HPSE2: variants seen among roughly 807,000 people sequenced by gnomAD.
HPSE2 encodes heparanase 2 (inactive), also known as inactive heparanase-2.
In HPSE2, 38 loss-of-function variants were observed where a neutral mutation model predicts 60.5. The observed-to-expected ratio is 0.63, with a 90% CI of 0.48 to 0.82. The LOEUF is 0.82. Ranked by LOEUF, HPSE2 falls within the 40% of genes least tolerant of loss-of-function variation. HPSE2 has a pLI of 0.00. For synonymous variants in HPSE2, 295 were observed against 293.2 expected (o/e 1.01, Z -0.06); for missense variants, 713 against 740.4 (o/e 0.96, Z 0.43).
chr10:99,117,280 G>C (rs1187542922), intron 3 of HPSE2, among the ~76,000 whole-genome samples: 1 of 149,982 alleles, frequency 6.7e-6, no homozygotes, highest in African/African-American at 2.4e-5. Flanking sequence ...TCACAACTAA[G>C]AGAACCAGAG....
At chr10:98,580,673 C>G (rs1020665249) in intron 9 of HPSE2, among the ~76,000 whole-genome samples, 2 of 151,880 alleles carry the variant, frequency 1.3e-5, no homozygotes, top group African/African-American at 2.4e-5. Context: ...GATCAACAGA[C>G]ACTTTCCAGT....
At chr10:98,508,111 C>T (rs1319459400) in intron 9 of HPSE2, among the ~76,000 whole-genome samples, 1 of 151,962 alleles carries the variant, frequency 6.6e-6, no homozygotes, top group East Asian at 1.9e-4. Context: ...TTACAATTTA[C>T]AAGGGACAAA....
intron 2 of HPSE2, among the ~76,000 whole-genome samples, chr10:99,144,809 C>G (rs1845989445): frequency 6.6e-6 from 1 of 152,096 alleles, no homozygotes; most frequent in African/African-American, 2.4e-5. Context: ...GCTACAGGAC[C>G]AGGTGATAGC....
chr10:99,269,129 G>A, the HPSE2 span, among the ~76,000 whole-genome samples: 9 of 151,856 alleles, frequency 5.9e-5, no homozygotes, highest in African/African-American at 1.9e-4. Context: ...ACTGCACTCC[G>A]GCCTGGGGGA....
intron 3 of HPSE2, among the ~76,000 whole-genome samples, chr10:98,952,053 T>C (rs1252703763): frequency 1.3e-5 from 2 of 152,216 alleles, no homozygotes; most frequent in Non-Finnish European, 2.9e-5. Context: ...TACCAAATGA[T>C]GGCAGATTTG....
At chr10:99,038,368 T>C (rs1310191034) in intron 3 of HPSE2, among the ~76,000 whole-genome samples, 1 of 152,134 alleles carries the variant, frequency 6.6e-6, no homozygotes, top group African/African-American at 2.4e-5. Context: ...CCATAACGAC[T>C]TGGATGACTA....
rs75302353 is a variant in HPSE2, at chr10:98,928,988, TAATAAATAAATA to T, written c.611-184944_611-184933del. The stretch of plus-strand genomic sequence containing the variant: ...ATGTACCCTAAAACTTAAAGTATAA[TAATAAATAAATA>T]AATAAATAAATAAATAAATATTTTT... On this transcript the variant is annotated intron_variant, in intron 3 of 11. Coordinates refer to ENST00000370552, the MANE Select transcript of HPSE2 (RefSeq NM_021828.5). 3.1e-5 allele frequency among the ~76,000 whole-genome samples: 4 copies of T among 130,902 alleles called. 1 individual carries two copies. The highest frequency in any genetic ancestry group is 1.3e-4 in the African/African-American group (4 of 30,030). 85.9% of individuals were successfully genotyped at this position (130,902 alleles called of 152,430 possible). A position where few individuals can be genotyped will look rare whatever the true frequency, so the allele number is the denominator to read the frequency against.
At chr10:99,023,589 T>C (rs1340588782) in intron 3 of HPSE2, among the ~76,000 whole-genome samples, 2 of 152,174 alleles carry the variant, frequency 1.3e-5, no homozygotes, top group Non-Finnish European at 2.9e-5. Context: ...ACAGTCATAG[T>C]AATGGTGGCA....
At chr10:98,779,103 T>C (rs1341107862) in intron 3 of HPSE2, among the ~76,000 whole-genome samples, 1 of 152,124 alleles carries the variant, frequency 6.6e-6, no homozygotes, top group African/African-American at 2.4e-5. Context: ...CAGCTCCTCT[T>C]TCGGTTACTA....
At chr10:99,024,930 A>G (rs567298250) in intron 3 of HPSE2, among the ~76,000 whole-genome samples, 10 of 152,322 alleles carry the variant, frequency 6.6e-5, no homozygotes, top group South Asian at 4.1e-4. Flanking sequence ...AAGTTCTTCA[A>G]TCAGAAAGAA....
chr10:98,470,110 T>G (rs1011743914), intron 11 of HPSE2, among the ~76,000 whole-genome samples: 1 of 152,096 alleles, frequency 6.6e-6, no homozygotes, highest in Admixed American at 6.6e-5. Flanking sequence ...CAGGTGTGTG[T>G]GTGTGTGTGT....
intron 3 of HPSE2, among the ~76,000 whole-genome samples, chr10:98,917,342 T>C (rs762968729): frequency 4.6e-5 from 7 of 152,224 alleles, no homozygotes; most frequent in Non-Finnish European, 7.3e-5. Flanking sequence ...GTATTTTGTA[T>C]GCCATCATCT....
chr10:99,297,899 C>T, the HPSE2 span, among the ~76,000 whole-genome samples: 4 of 152,244 alleles, frequency 2.6e-5, no homozygotes, highest in Admixed American at 6.5e-5. Flanking sequence ...GGGTTATAGC[C>T]GCTCCCCCAG....
intron 9 of HPSE2, among the ~76,000 whole-genome samples, chr10:98,525,498 T>C (rs867787268): frequency 6.6e-6 from 1 of 152,204 alleles, no homozygotes; most frequent in Non-Finnish European, 1.5e-5. Flanking sequence ...AAGACGGGCC[T>C]AAGGGAGCCC....
chr10:98,669,939 G>T (rs1404201780), intron 6 of HPSE2, among the ~76,000 whole-genome samples: 1 of 152,158 alleles, frequency 6.6e-6, no homozygotes, highest in Non-Finnish European at 1.5e-5. Context: ...GGGGAGAAAA[G>T]ATTGCTCTTT....
chr10:98,921,145 A>T (rs1954271155), intron 3 of HPSE2, among the ~76,000 whole-genome samples: 1 of 152,072 alleles, frequency 6.6e-6, no homozygotes. Context: ...ATGTAAACTG[A>T]ATATAATACT....
intron 6 of HPSE2, among the ~76,000 whole-genome samples, chr10:98,685,578 A>C (rs921686376): frequency 6.6e-6 from 1 of 152,186 alleles, no homozygotes. Flanking sequence ...ACATATCATT[A>C]GTTTATTTCT....
chr10:98,626,204 A>C (rs962677211), intron 7 of HPSE2, among the ~76,000 whole-genome samples: 2 of 152,164 alleles, frequency 1.3e-5, no homozygotes, highest in African/African-American at 4.8e-5. Context: ...GGCGGTAGTC[A>C]TGGAGGTGGG....
chr10:99,035,704 G>C (rs1164066019), intron 3 of HPSE2, among the ~76,000 whole-genome samples: 1 of 152,216 alleles, frequency 6.6e-6, no homozygotes, highest in Non-Finnish European at 1.5e-5. Flanking sequence ...GTGCTACAAT[G>C]TTATGACAGC....
Sources: gnomAD v4.1 joint callset for allele counts (sites outside exome capture counted in the v4.1 genomes callset) on GRCh38, gnomAD v4.1.1 for gene constraint, MANE v1.5 for transcripts, NCBI Gene and HGNC (gene_info 2026-07-23, HGNC 2026-07-21) for gene names.